EHD3: variants seen among roughly 807,000 people sequenced by gnomAD.
EHD3 encodes EH domain containing 3.
Under a neutral mutation model 43.0 loss-of-function variants are expected in EHD3, and 17 were observed. The ratio of observed to expected loss-of-function variants is 0.40; its 90% confidence interval spans 0.27 to 0.59. The LOEUF is 0.59. Among genes scored for constraint, EHD3 ranks in the 20% least tolerant of loss-of-function variants. The probability of loss-of-function intolerance (pLI) is 0.49; values close to 1 mark genes in which losing one functional copy is unlikely to be tolerated. For synonymous variants in EHD3, 313 were observed against 289.5 expected (o/e 1.08, Z -0.82); for missense variants, 594 against 705.6 (o/e 0.84, Z 1.79).
At position 31,245,817 on chromosome 2, in the gene EHD3, G is replaced by A. The variant is rs367919030; in HGVS notation, c.404+1367G>A. On this transcript the variant is annotated intron_variant, in intron 2 of 5. Transcript: ENST00000322054. Reference sequence around the variant, plus strand: ...GCTGGTCTCGAACTCCCAACCTCAGGTGATTGACCTGCCTCAGCCTCCCAA... The same window carrying A: ...GCTGGTCTCGAACTCCCAACCTCAGATGATTGACCTGCCTCAGCCTCCCAA... 3.3e-4 allele frequency among the ~76,000 whole-genome samples: 49 copies of A among 148,546 alleles called. No individual in the cohort carries two copies. In the East Asian group the frequency reaches 6.3e-3, roughly 19 times the overall value.
chr2:31,239,932 A>T (rs1323404539), intron 1 of EHD3, among the ~76,000 whole-genome samples: 1 of 150,970 alleles, frequency 6.6e-6, no homozygotes, highest in East Asian at 1.9e-4. Context: ...GAGAAGGGGC[A>T]CGTCGCTGAG....
chr2:31,244,127 TC>T, intron 1 of EHD3, 146 bp from the exon 2 acceptor site: 1 of 630,582 alleles, frequency 1.6e-6, no homozygotes, highest in South Asian at 3.9e-5. Context: ...GGACTTGTTA[TC>T]CAGCAGGCAT....
intron 3 of EHD3, among the ~76,000 whole-genome samples, chr2:31,256,435 A>G (rs1683754591): frequency 6.6e-6 from 1 of 152,190 alleles, no homozygotes; most frequent in Admixed American, 6.5e-5. Context: ...CACGTTTTCC[A>G]CGTTTCACTT....
chr2:31,254,853 G>A (rs1683720088), intron 3 of EHD3, among the ~76,000 whole-genome samples: 6 of 152,186 alleles, frequency 3.9e-5, no homozygotes, highest in Admixed American at 3.9e-4. Flanking sequence ...TGTCCTGTAA[G>A]ATGTGTATGC....
intron 3 of EHD3, among the ~76,000 whole-genome samples, chr2:31,255,752 T>C (rs1488953479): frequency 6.6e-6 from 1 of 152,162 alleles, no homozygotes; most frequent in East Asian, 1.9e-4. Context: ...GGCTGGAAGC[T>C]TCTGGCATTA....
At chr2:31,263,877 G>A (rs1683896503) in intron 5 of EHD3, among the ~76,000 whole-genome samples, 1 of 152,186 alleles carries the variant, frequency 6.6e-6, no homozygotes, top group Admixed American at 6.5e-5. Flanking sequence ...TGGAGAAGTT[G>A]GTGTTCTAGA....
Position 31,260,156 on chromosome 2 carries a change from G to A in EHD3, c.503-354G>A, listed in dbSNP as rs115767552. Reference sequence around the variant, plus strand: ...GCAGAGGTTGCAGTGAGCAGAGGCAGTGCCACTACACTCCAGCCTGGGTGA... The same window carrying A: ...GCAGAGGTTGCAGTGAGCAGAGGCAATGCCACTACACTCCAGCCTGGGTGA... On this transcript the variant is annotated intron_variant, in intron 3 of 5. Transcript: ENST00000322054. This position sits in a 1 kb window ranked among gnomAD's most constrained non-coding sequence, Gnocchi z 4.6. 6.6e-3 allele frequency among the ~76,000 whole-genome samples: 1,000 copies of A among 152,174 alleles called. 18 individuals carry two copies. Among genetic ancestry groups the A allele is most frequent in the African/African-American group, 0.023 (960 of 41,522 alleles).
In EHD3 at chr2:31,260,484, GC is replaced by G. The variant is rs751708799; in HGVS notation, c.503-22del. On this transcript the variant is annotated intron_variant, in intron 3 of 5. Coordinates refer to ENST00000322054, the MANE Select transcript of EHD3 (RefSeq NM_014600.3). This position sits in a 1 kb window ranked among gnomAD's most constrained non-coding sequence, Gnocchi z 4.6. Reference sequence around the variant, plus strand: ...CCTACCCTATACCCCAAAGGCCCCAGCCCCTGATTGTCCCTCTGCCGGCAGG... The same window carrying G: ...CCTACCCTATACCCCAAAGGCCCCAGCCCTGATTGTCCCTCTGCCGGCAGG... The G allele has an allele frequency of 3.2e-5, 50 of 1,572,468 alleles. No homozygotes were observed. The highest frequency in any genetic ancestry group is 4.2e-5 in the Non-Finnish European group (49 of 1,155,796).
chr2:31,255,477 T>G (rs3769621), intron 3 of EHD3, among the ~76,000 whole-genome samples: 9,757 of 152,160 alleles, frequency 0.064, 571 homozygotes, highest in African/African-American at 0.15. Context: ...TTATCCCTAT[T>G]TTGCAGCTGA....
chr2:31,246,325 A>G (rs985700456), intron 2 of EHD3, among the ~76,000 whole-genome samples: 1 of 152,056 alleles, frequency 6.6e-6, no homozygotes, highest in Non-Finnish European at 1.5e-5. Flanking sequence ...AGAAGCAGGG[A>G]TATCTGAGCA....
At chr2:31,248,814 A>G (rs1397857904) in intron 2 of EHD3, among the ~76,000 whole-genome samples, 1 of 152,228 alleles carries the variant, frequency 6.6e-6, no homozygotes, top group Non-Finnish European at 1.5e-5. Flanking sequence ...TTGGCCCACA[A>G]GGATCAAATC....
rs1394555680 is a variant in EHD3 at position 31,243,453 on chromosome 2, TTTCTTTC to T, written c.228-818_228-812del. ...CTTTCTTTCTTTCTTTCTTTCTTTC[TTTCTTTC>T]TTTTTTTTTTTTTGAGACAGAGTTT... is the stretch of plus-strand genomic sequence containing the variant. On this transcript the variant is annotated intron_variant, in intron 1 of 5. Coordinates refer to ENST00000322054, the MANE Select transcript of EHD3 (RefSeq NM_014600.3). 5.9e-4 allele frequency among the ~76,000 whole-genome samples: 16 copies of T among 27,260 alleles called. 2 individuals are homozygous for T. The highest frequency in any genetic ancestry group is 2.8e-3 in the South Asian group (1 of 360). 17.9% of individuals were successfully genotyped at this position (27,260 alleles called of 152,430 possible). A position where few individuals can be genotyped will look rare whatever the true frequency, so the allele number is the denominator to read the frequency against.
At chr2:31,255,708 T>C (rs1286096302) in intron 3 of EHD3, among the ~76,000 whole-genome samples, 2 of 152,116 alleles carry the variant, frequency 1.3e-5, no homozygotes, top group Non-Finnish European at 2.9e-5. Flanking sequence ...CATGGAGTCA[T>C]TGCTTGATGG....
At chr2:31,244,474 C>G (rs1683482465) in intron 2 of EHD3, 24 bp downstream of exon 2, 2 of 1,606,256 alleles carry the variant, frequency 1.2e-6, no homozygotes, top group Non-Finnish European at 1.7e-6. Flanking sequence ...GAACACAACA[C>G]TTTCAGGTGC....
rs551458353 is a variant in EHD3 at position 31,251,671 on chromosome 2, G to T, written c.502+2203G>T. Reference sequence around the variant, plus strand: ...TTGATCTCCTGGCTCCCTATCTCTGGGCTGTATGGTGGAGGTGATAGGGAG... The same window carrying T: ...TTGATCTCCTGGCTCCCTATCTCTGTGCTGTATGGTGGAGGTGATAGGGAG... On this transcript the variant is annotated intron_variant, in intron 3 of 5. Coordinates refer to ENST00000322054, the MANE Select transcript of EHD3 (RefSeq NM_014600.3). Among the ~76,000 whole-genome samples the T allele has an allele frequency of 6.6e-5, 10 of 152,216 alleles. No individual in the cohort carries two copies. The East Asian group carries it at 1.9e-3, about 29-fold the overall frequency.
rs758911736 is a variant in EHD3, at chr2:31,260,736, C to T, written c.729C>T (p.Ile243=). Residue 243 remains isoleucine, a synonymous_variant, in exon 4 of 6, where the codon ATC becomes ATT. Transcript: ENST00000322054. This position sits in a 1 kb window ranked among gnomAD's most constrained non-coding sequence, Gnocchi z 4.6. The stretch of plus-strand genomic sequence containing the variant: ...CCCTCATGTGGTCCTTGGGGAAGAT[C>T]GTGAACACCCCAGAGGTGATCCGGG... ...YGALMWSLGK[I]VNTPEVIRVY... is the part of the protein sequence containing the mutation. The T allele has an allele frequency of 6.2e-6, 10 of 1,614,082 alleles. No individual in the cohort carries two copies. Among genetic ancestry groups the T allele is most frequent in the African/African-American group, 4.0e-5 (3 of 74,928 alleles).
chr2:31,249,509 G>C (rs1683593239), intron 3 of EHD3, 41 bp downstream of exon 3: 16 of 1,587,000 alleles, frequency 1.0e-5, no homozygotes, highest in Non-Finnish European at 1.3e-5. Context: ...TGGGCTCCAT[G>C]GTTCTGGCAC....
chr2:31,244,248 A>G (rs1055619639), intron 1 of EHD3, 26 bp from the exon 2 acceptor site: 4 of 1,608,350 alleles, frequency 2.5e-6, no homozygotes, highest in Non-Finnish European at 3.4e-6. Context: ...GAACGCCTGC[A>G]TTAGGACTGT....
rs1267356706 is a variant in EHD3, at chr2:31,261,806, C to T, written c.1080+93C>T. On this transcript the variant is annotated intron_variant, in intron 5 of 5. Transcript: ENST00000322054. Reference sequence around the variant, plus strand: ...GGAGGAGGCCACTCTTGGAGCCCCCCAGGGAGAACCCCGCCCAGAATCTGC... The same window carrying T: ...GGAGGAGGCCACTCTTGGAGCCCCCTAGGGAGAACCCCGCCCAGAATCTGC... 4.8e-6 allele frequency: 7 copies of T among 1,463,328 alleles called. No individual in the cohort carries two copies. The East Asian group carries it at 9.2e-5, about 19-fold the overall frequency. 90.6% of individuals were successfully genotyped at this position (1,463,328 alleles called of 1,614,324 possible).
Sources: gnomAD v4.1 joint callset for allele counts (sites outside exome capture counted in the v4.1 genomes callset) on GRCh38, gnomAD v4.1.1 for gene constraint, Gnocchi (gnomAD v3.1) non-coding constraint, MANE v1.5 for transcripts, NCBI Gene and HGNC (gene_info 2026-07-23, HGNC 2026-07-21) for gene names.